CFAP47: variants seen among roughly 807,000 people sequenced by gnomAD.
CFAP47 encodes cilia- and flagella-associated protein 47.
Under a neutral mutation model 148.1 loss-of-function variants are expected in CFAP47, and 29 were observed. The observed-to-expected ratio is 0.20, with a 90% confidence interval of 0.15 to 0.27. The LOEUF (loss-of-function observed/expected upper bound fraction) is 0.27, where lower values mean the gene tolerates loss of function less well. Among genes scored for constraint, CFAP47 ranks in the 10% least tolerant of loss-of-function variants. The pLI is 1.00. For missense variants in CFAP47, 1,872 were observed against 1,697.5 expected, an observed-to-expected ratio of 1.10 and a Z score of -1.81; for synonymous variants, 664 against 577.3, an observed-to-expected ratio of 1.15 and a Z score of -2.15.
At chrX:36,149,052 G>T in intron 36 of CFAP47, 56 bp from the exon 37 acceptor site, 1 of 280,221 alleles carries the variant, frequency 3.6e-6, no homozygotes, top group Non-Finnish European at 6.3e-6. Context: ...AAATGATATA[G>T]TTGCATAGTT....
At chrX:36,274,171 G>A (rs995819035) in intron 49 of CFAP47, among the ~76,000 whole-genome samples, 4 of 111,675 alleles carry the variant, frequency 3.6e-5, no homozygotes, top group Non-Finnish European at 5.7e-5. Flanking sequence ...TTTGTTAAGG[G>A]ATAATAAAAC....
chrX:36,100,628 C>T (rs1411007924), intron 32 of CFAP47, among the ~76,000 whole-genome samples: 1 of 111,501 alleles, frequency 9.0e-6, no homozygotes, highest in Non-Finnish European at 1.9e-5. Flanking sequence ...CCTTGCAACC[C>T]CAGACGGGTG....
intron 21 of CFAP47, among the ~76,000 whole-genome samples, chrX:36,007,284 C>T (rs16987341): frequency 0.052 from 5,813 of 111,916 alleles, 409 homozygotes; most frequent in African/African-American, 0.18. Flanking sequence ...ATCATTCTTA[C>T]GGGAAGCTAA....
intron 21 of CFAP47, among the ~76,000 whole-genome samples, chrX:36,008,318 T>A (rs190577331): frequency 1.3e-4 from 15 of 111,646 alleles, no homozygotes; most frequent in Non-Finnish European, 2.3e-4. Context: ...GGCTTCCTTT[T>A]TCTTCATGAT....
At chrX:36,020,265 C>T (rs989016252) in intron 22 of CFAP47, among the ~76,000 whole-genome samples, 14 of 111,875 alleles carry the variant, frequency 1.3e-4, no homozygotes, top group Non-Finnish European at 2.4e-4. Flanking sequence ...TATGATTCTT[C>T]GTTGAGAATG....
chrX:36,272,952 A>AATAT (rs1940976294), intron 49 of CFAP47, among the ~76,000 whole-genome samples: 1 of 111,072 alleles, frequency 9.0e-6, no homozygotes, highest in Admixed American at 9.7e-5. Context: ...ATGCCAGGGA[A>AATAT]ATATATATGC....
At position 36,194,680 on chromosome X, in the gene CFAP47, A is replaced by G. The variant is rs782426940; in HGVS notation, c.6321+4484A>G. Among the ~76,000 whole-genome samples, 3 of 111,481 alleles carry G rather than the reference A, an allele frequency of 2.7e-5. No homozygotes were observed. The East Asian group carries it at 8.5e-4, about 32-fold the overall frequency. ...CATGGCTGGCAGGAGAGAGAGAAAG[A>G]AAAAGAGTGAAGGGGGCGGTGCTAC... is the stretch of plus-strand genomic sequence containing the variant. On this transcript the variant is annotated intron_variant, in intron 42 of 63. Coordinates refer to ENST00000378653, the MANE Select transcript of CFAP47 (RefSeq NM_001304548.2).
chrX:35,935,240 G>A (rs1247047310), intron 2 of CFAP47, among the ~76,000 whole-genome samples: 1 of 112,324 alleles, frequency 8.9e-6, no homozygotes, highest in Non-Finnish European at 1.9e-5. Flanking sequence ...AACTCAAGTC[G>A]TGACCACTGG....
rs766640720 is a variant in CFAP47, at chrX:35,971,638, G to C, written c.2023G>C (p.Gly675Arg). The C allele has an allele frequency of 1.7e-6, 2 of 1,201,239 alleles. No homozygotes were observed. Among genetic ancestry groups the C allele is most frequent in the African/African-American group, 3.5e-5 (2 of 56,686 alleles). The change falls in exon 12 of 64, where the codon GGT becomes CGT. Residue 675 changes from glycine to arginine, a missense_variant. Gly to Arg is a moderately radical substitution (Grantham distance 125). Coordinates refer to ENST00000378653, the MANE Select transcript of CFAP47 (RefSeq NM_001304548.2). The part of the protein sequence containing the change: ...DTDIGLEPGS[G>R]LKSPSLSEAE... ...AGACATAGGCTTAGAGCCAGGATCAGGTCTAAAGTCACCCTCACTCTCAGA... is the reference window on the plus strand; with the variant it reads ...AGACATAGGCTTAGAGCCAGGATCACGTCTAAAGTCACCCTCACTCTCAGA...
At position 36,204,972 on chromosome X, in the gene CFAP47, C is replaced by T. The variant is rs980164677; in HGVS notation, c.6679C>T (p.Arg2227Cys). Reference sequence around the variant, plus strand: ...TTGTTCACAGACTCTTATGCTCTTTCGTATCTCAAAGTTGAGGAAGCCTAA... The same window carrying T: ...TTGTTCACAGACTCTTATGCTCTTTTGTATCTCAAAGTTGAGGAAGCCTAA... ...LTKIETLMLFRISKLRKPKTV... is the reference protein window; with the variant it reads ...LTKIETLMLFCISKLRKPKTV... Residue 2227 changes from arginine to cysteine, a missense_variant, in exon 45 of 64, where the codon CGT (arginine) becomes TGT (cysteine). Transcript: ENST00000378653. The T allele has an allele frequency of 3.4e-6, 1 of 297,080 alleles. No individual in the cohort carries two copies. Among genetic ancestry groups the T allele is most frequent in the Non-Finnish European group, 5.9e-6 (1 of 169,904 alleles). 24.5% of individuals were successfully genotyped at this position (297,080 alleles called of 1,213,427 possible). A position where few individuals can be genotyped will look rare whatever the true frequency, so the allele number is the denominator to read the frequency against.
chrX:35,971,962 G>T lies in CFAP47; in HGVS notation c.2251G>T (p.Val751Phe). 8.8e-7 allele frequency: 1 copy of T among 1,139,640 alleles called. No homozygotes were observed. The highest frequency in any genetic ancestry group is 3.1e-5 in the East Asian group (1 of 32,715). 93.9% of individuals were successfully genotyped at this position (1,139,640 alleles called of 1,213,427 possible). ...LTPKQIHQVI[V>F]GPSVLNFGNI... ...ACCAAAGCAAATTCATCAAGTAATT[G>T]TTGGTGAGAATACACAAAAACCTAC... is the stretch of plus-strand genomic sequence containing the variant. Residue 751 changes from valine to phenylalanine, a missense_variant, in exon 13 of 64, where the codon GTT becomes TTT. Val to Phe is a conservative substitution (Grantham distance 50, BLOSUM62 -1). Transcript: ENST00000378653.
At chrX:36,314,305 A>G (rs1271162419) in intron 56 of CFAP47, among the ~76,000 whole-genome samples, 1 of 111,861 alleles carries the variant, frequency 8.9e-6, no homozygotes. Context: ...TAAGTTTAAC[A>G]GAGTTTAATT....
Position 36,353,604 on chromosome X carries a change from T to A in CFAP47, c.8774T>A (p.Phe2925Tyr), listed in dbSNP as rs41309695. 0.093 allele frequency: 107,560 copies of A among 1,159,174 alleles called. 4,007 individuals are homozygous for A. The highest frequency in any genetic ancestry group is 0.22 in the Admixed American group (8,487 of 38,190). ...EIILNAGFFG[F>Y]SLTPDLTEVL... ...ATACTGAATGCTGGTTTTTTCGGAT[T>A]TAGTCTTACTCCAGATCTGACAGAA... is the stretch of plus-strand genomic sequence containing the variant. The change falls in exon 60 of 64, where the codon TTT becomes TAT. Residue 2925 changes from phenylalanine to tyrosine, a missense_variant. By Grantham distance (22) the Phe-to-Tyr change is conservative. Transcript: ENST00000378653.
At chrX:36,217,434 C>G (rs1940169802) in intron 45 of CFAP47, among the ~76,000 whole-genome samples, 1 of 110,849 alleles carries the variant, frequency 9.0e-6, no homozygotes, top group Non-Finnish European at 1.9e-5. Context: ...ACCAGCCTTA[C>G]CCATTTCTTC....
chrX:36,022,916 C>T (rs1937175596), intron 22 of CFAP47, among the ~76,000 whole-genome samples: 2 of 111,891 alleles, frequency 1.8e-5, no homozygotes, highest in Non-Finnish European at 3.8e-5. Context: ...TATTTTGAAT[C>T]CTCTTTCTGT....
intron 62 of CFAP47, among the ~76,000 whole-genome samples, chrX:36,368,794 TACTC>T (rs1388703564): frequency 8.9e-6 from 1 of 111,780 alleles, no homozygotes; most frequent in Non-Finnish European, 1.9e-5. Context: ...GTATATAAAT[TACTC>T]ACCACAATGC....
chrX:35,983,003 G>A lies in CFAP47; in HGVS notation c.2714-6316G>A, dbSNP rs569825383. The stretch of plus-strand genomic sequence containing the variant: ...TTCTAATTTTGTGAAGAATGTCAGT[G>A]GTAGTGTGATAGGAATGGCATTGAA... On this transcript the variant is annotated intron_variant, in intron 15 of 63. Coordinates refer to ENST00000378653, the MANE Select transcript of CFAP47 (RefSeq NM_001304548.2). Among the ~76,000 whole-genome samples, 32 of 111,893 alleles carry A rather than the reference G, an allele frequency of 2.9e-4. No homozygotes were observed. The South Asian group carries it at 7.0e-3, about 25-fold the overall frequency.
rs1417310400 is a variant in CFAP47, at chrX:36,328,202, G to T, written c.8443+8895G>T. On this transcript the variant is annotated intron_variant, in intron 57 of 63. Transcript: ENST00000378653. ...ATAATTGGAATTTGACATTAAAAAT[G>T]TCATTTAAAATACAACAAAAACCCT... 3.6e-5 allele frequency among the ~76,000 whole-genome samples: 4 copies of T among 111,873 alleles called. No homozygotes were observed. In the Admixed American group the frequency reaches 3.8e-4, roughly 11 times the overall value.
intron 29 of CFAP47, among the ~76,000 whole-genome samples, chrX:36,081,327 T>C (rs756237512): frequency 1.7e-4 from 19 of 111,484 alleles, no homozygotes; most frequent in African/African-American, 5.9e-4. Context: ...CAGATCAATA[T>C]TGATTTCAAA....
Sources: allele counts gnomAD v4.1 joint callset (sites outside exome capture counted in the v4.1 genomes callset), GRCh38; gene constraint gnomAD v4.1.1; transcripts MANE v1.5; gene names NCBI Gene and HGNC (gene_info 2026-07-23, HGNC 2026-07-21).